SOX5: variants seen among roughly 807,000 people sequenced by gnomAD.
SOX5 encodes the protein SRY-box transcription factor 5.
In SOX5, 9 loss-of-function variants were observed where a neutral mutation model predicts 92.0. That is an observed-to-expected ratio of 0.10 (90% CI 0.06 to 0.17). The LOEUF is 0.17. Among genes scored for constraint, SOX5 ranks in the 10% least tolerant of loss-of-function variants. SOX5 has a pLI of 1.00. For missense variants in SOX5, 642 were observed against 944.5 expected (o/e 0.68, Z 4.20); for synonymous variants, 344 against 336.3 (o/e 1.02, Z -0.25).
chr12:24,058,767 G>T (rs565189798), intron 4 of SOX5, among the ~76,000 whole-genome samples: 1 of 151,578 alleles, frequency 6.6e-6, no homozygotes, highest in Non-Finnish European at 1.5e-5. Flanking sequence ...ACCTTCATCA[G>T]GTTGCTGTAA....
chr12:24,492,794 T>C (rs1213269773), intron 1 of SOX5, among the ~76,000 whole-genome samples: 1 of 152,236 alleles, frequency 6.6e-6, no homozygotes, highest in Non-Finnish European at 1.5e-5. Flanking sequence ...AGATTCATTG[T>C]TACATATAAG....
At chr12:24,076,839 C>T (rs1418631232) in intron 4 of SOX5, among the ~76,000 whole-genome samples, 1 of 151,602 alleles carries the variant, frequency 6.6e-6, no homozygotes, top group Non-Finnish European at 1.5e-5. Context: ...TCCAAACCAT[C>T]CCTAAAAATA....
intron 10 of SOX5, among the ~76,000 whole-genome samples, chr12:23,570,924 AAAAAAAATATATATATAT>A (rs1379275052): frequency 7.0e-5 from 3 of 42,554 alleles, no homozygotes; most frequent in African/African-American, 2.9e-4. Flanking sequence ...AAAAAAAAAA[AAAAAAAATATATATATAT>A]ATATATATAT....
chr12:24,445,982 C>T lies in SOX5; in HGVS notation c.-250-77343G>A, dbSNP rs76728191. On this transcript the variant is annotated intron_variant, in intron 1 of 4. Transcript: ENST00000446891. ...ATAGCATGAAATAACCAAGGTATAA[C>T]GACACAAGGGCCAACACATTATGGA... 2.0e-3 allele frequency among the ~76,000 whole-genome samples: 299 copies of T among 152,234 alleles called. 8 individuals carry two copies. In the East Asian group the frequency reaches 0.03, roughly 15 times the overall value.
chr12:24,283,806 G>A (rs1342763333), intron 2 of SOX5, among the ~76,000 whole-genome samples: 4 of 152,066 alleles, frequency 2.6e-5, no homozygotes, highest in African/African-American at 7.2e-5. Flanking sequence ...AATATGTGCC[G>A]AAAGCCATTA....
At chr12:24,166,477 CAGTG>C (rs913162584) in intron 4 of SOX5, among the ~76,000 whole-genome samples, 1 of 152,080 alleles carries the variant, frequency 6.6e-6, no homozygotes, top group African/African-American at 2.4e-5. Flanking sequence ...ATACAAGAAA[CAGTG>C]AGAGAGAGCG....
intron 3 of SOX5, among the ~76,000 whole-genome samples, chr12:23,799,003 C>T (rs566689381): frequency 9.2e-5 from 14 of 151,956 alleles, no homozygotes; most frequent in South Asian, 2.1e-4. Flanking sequence ...AAATTGTCAT[C>T]GTACTATAAT....
chr12:23,884,905 A>C (rs936250485), intron 2 of SOX5, among the ~76,000 whole-genome samples: 1 of 152,222 alleles, frequency 6.6e-6, no homozygotes, highest in Non-Finnish European at 1.5e-5. Flanking sequence ...TATTCTGAGG[A>C]GCACTGACTG....
intron 2 of SOX5, among the ~76,000 whole-genome samples, chr12:24,290,804 C>G (rs935850739): frequency 5.9e-5 from 9 of 152,150 alleles, no homozygotes; most frequent in Admixed American, 5.9e-4. Context: ...AAGGGCCCAG[C>G]CTTCTCCAGG....
At chr12:23,735,701 C>A (rs1378607944) in intron 5 of SOX5, among the ~76,000 whole-genome samples, 1 of 152,164 alleles carries the variant, frequency 6.6e-6, no homozygotes, top group Non-Finnish European at 1.5e-5. Context: ...CAACAAGTCC[C>A]AAACTAAATT....
At chr12:23,811,124 T>C (rs145842447) in intron 3 of SOX5, among the ~76,000 whole-genome samples, 397 of 152,250 alleles carry the variant, frequency 2.6e-3, no homozygotes, top group African/African-American at 8.5e-3. Context: ...TGAACACAAG[T>C]GTATAAATGA....
At chr12:24,284,819 T>C (rs906138263) in intron 2 of SOX5, among the ~76,000 whole-genome samples, 1 of 152,202 alleles carries the variant, frequency 6.6e-6, no homozygotes, top group Non-Finnish European at 1.5e-5. Flanking sequence ...TCCAACATTA[T>C]ATACCACCTT....
chr12:23,562,113 T>C (rs1314289336), intron 11 of SOX5, among the ~76,000 whole-genome samples: 1 of 152,190 alleles, frequency 6.6e-6, no homozygotes, highest in Non-Finnish European at 1.5e-5. Context: ...TTCCTTTTGG[T>C]GCTTAGCTAT....
chr12:23,628,983 T>C (rs531569006), intron 8 of SOX5, among the ~76,000 whole-genome samples: 53 of 152,152 alleles, frequency 3.5e-4, no homozygotes, highest in Non-Finnish European at 7.1e-4. Context: ...ATAATCATTT[T>C]TGAATACTAT....
At chr12:23,880,578 CCTCT>C (rs896546370) in intron 2 of SOX5, among the ~76,000 whole-genome samples, 2 of 152,026 alleles carry the variant, frequency 1.3e-5, no homozygotes, top group South Asian at 2.1e-4. Flanking sequence ...TCTCATTCTC[CCTCT>C]CTATCTCCCC....
At chr12:24,109,752 G>C (rs889879169) in intron 4 of SOX5, among the ~76,000 whole-genome samples, 2 of 151,788 alleles carry the variant, frequency 1.3e-5, no homozygotes, top group African/African-American at 2.4e-5. Context: ...CAGAACTAGT[G>C]GTAAAATATT....
rs2094597364 is a variant in SOX5, at chr12:23,762,725, T to C, written c.482-7001A>G. 28 of 426,718 alleles carry C rather than the reference T, an allele frequency of 6.6e-5. No homozygotes were observed. The East Asian group carries it at 9.7e-4, about 15-fold the overall frequency. The allele number at this position is 426,718 out of a possible 1,614,324, so 26.4% of individuals were successfully genotyped here. A position where few individuals can be genotyped will look rare whatever the true frequency, so the allele number is the denominator to read the frequency against. On this transcript the variant is annotated intron_variant, in intron 3 of 14. Coordinates refer to ENST00000451604, the MANE Select transcript of SOX5 (RefSeq NM_006940.6). ...TAGTCATAGGCTTAAATTTTCTTGT[T>C]GCATCAGCTGAACCTGCTCAATTAT... is the stretch of plus-strand genomic sequence containing the variant.
Position 24,335,663 on chromosome 12 carries a change from C to G in SOX5, c.-174+32900G>C, listed in dbSNP as rs537674033. 1.1e-4 allele frequency among the ~76,000 whole-genome samples: 16 copies of G among 152,152 alleles called. No individual in the cohort carries two copies. The South Asian group carries it at 3.3e-3, about 32-fold the overall frequency. On this transcript the variant is annotated intron_variant, in intron 2 of 4. Coordinates refer to the SOX5 transcript ENST00000446891. ...GAATTAAAATATTTACCCAAATTTA[C>G]ATTAAAGTGTGAGAGGCTTATCTGT... is the stretch of plus-strand genomic sequence containing the variant.
At chr12:24,378,972 A>T (rs969713361) in intron 1 of SOX5, among the ~76,000 whole-genome samples, 2 of 152,222 alleles carry the variant, frequency 1.3e-5, no homozygotes, top group Non-Finnish European at 2.9e-5. Flanking sequence ...GTTCCGCATC[A>T]TTCATCTGAC....
Sources: gnomAD v4.1 joint callset for allele counts (sites outside exome capture counted in the v4.1 genomes callset) on GRCh38, gnomAD v4.1.1 for gene constraint, MANE v1.5 for transcripts, NCBI Gene and HGNC (gene_info 2026-07-23, HGNC 2026-07-21) for gene names.